The following TECPR2 variants were observed in gnomAD, a reference collection of about 807,000 sequenced individuals.
TECPR2 encodes the protein tectonin beta-propeller repeat containing 2, also known as tectonin beta-propeller repeat-containing protein 2.
Under a neutral mutation model 138.1 loss-of-function variants are expected in TECPR2, and 65 were observed. That is an observed-to-expected ratio of 0.47 (90% CI 0.39 to 0.58). The LOEUF is 0.58. Among genes scored for constraint, TECPR2 ranks in the 20% least tolerant of loss-of-function variants. The probability of loss-of-function intolerance (pLI) is 0.00; values close to 1 mark genes in which losing one functional copy is unlikely to be tolerated. For synonymous variants in TECPR2, 746 were observed against 749.8 expected (o/e 0.99, Z 0.08); for missense variants, 1,553 against 1,824.5 (o/e 0.85, Z 2.71).
intron 16 of TECPR2, among the ~76,000 whole-genome samples, chr14:102,453,202 G>A (rs914630334): frequency 8.5e-5 from 13 of 152,286 alleles, no homozygotes; most frequent in Non-Finnish European, 7.3e-5. Context: ...TAGGCCGGGC[G>A]CAGTGGCTCA....
At chr14:102,381,208 G>A (rs937578040) in intron 2 of TECPR2, among the ~76,000 whole-genome samples, 21 of 152,160 alleles carry the variant, frequency 1.4e-4, no homozygotes, top group Non-Finnish European at 2.1e-4. Context: ...TGATCCACTC[G>A]CTTCGGCCTC....
chr14:102,368,299 G>A (rs1056854721), intron 1 of TECPR2, among the ~76,000 whole-genome samples: 15 of 152,092 alleles, frequency 9.9e-5, no homozygotes, highest in Admixed American at 8.5e-4. Flanking sequence ...GTGAGCCACC[G>A]TGCCTGGCCT....
chr14:102,483,267 G>A (rs1466119806), intron 17 of TECPR2, among the ~76,000 whole-genome samples: 1 of 152,146 alleles, frequency 6.6e-6, no homozygotes, highest in East Asian at 1.9e-4. Flanking sequence ...ATGCCTTGGT[G>A]AGGGCTGTGT....
chr14:102,379,818 C>T (rs1887749610), intron 2 of TECPR2, among the ~76,000 whole-genome samples: 1 of 148,390 alleles, frequency 6.7e-6, no homozygotes, highest in Non-Finnish European at 1.5e-5. Flanking sequence ...TCTTAAAATC[C>T]ATGCACAGAG....
chr14:102,465,409 A>G, intron 17 of TECPR2, 120 bp downstream of exon 17: 1 of 1,460,080 alleles, frequency 6.8e-7, no homozygotes, highest in East Asian at 2.4e-5. Context: ...GCGGGGAGCC[A>G]TGCCCCCAGG....
intron 2 of TECPR2, among the ~76,000 whole-genome samples, chr14:102,398,315 CAG>C (rs893931667): frequency 2.0e-5 from 3 of 151,836 alleles, no homozygotes; most frequent in African/African-American, 7.3e-5. Context: ...GTCTGACAAA[CAG>C]AAAAATGTTT....
chr14:102,461,730 C>T (rs1286824280), intron 16 of TECPR2, among the ~76,000 whole-genome samples: 1 of 152,192 alleles, frequency 6.6e-6, no homozygotes, highest in African/African-American at 2.4e-5. Flanking sequence ...ATCCTGCCTG[C>T]TTTGCTCTGC....
Position 102,434,911 on chromosome 14 carries a change from G to A in TECPR2, c.2094G>A (p.Trp698Ter). Reference sequence around the variant, plus strand: ...CTGGCCACCTCAGCACAAATCTCTGGCATGCTGTCACTGATGATGACACAG... The same window carrying A: ...CTGGCCACCTCAGCACAAATCTCTGACATGCTGTCACTGATGATGACACAG... The part of the protein sequence containing the change: ...EASGHLSTNL[W>*]HAVTDDDTGQ... Residue 698 changes from tryptophan to a stop codon, truncating the protein, a stop_gained, in exon 9 of 20, where the codon TGG becomes TGA. Coordinates refer to ENST00000359520, the MANE Select transcript of TECPR2 (RefSeq NM_014844.5). LOFTEE classifies it high-confidence loss of function. 1 of 1,613,742 alleles carries A rather than the reference G, an allele frequency of 6.2e-7. No individual in the cohort carries two copies. The highest frequency in any genetic ancestry group is 8.5e-7 in the Non-Finnish European group (1 of 1,180,044).
chr14:102,409,110 C>T (rs1888745677), intron 4 of TECPR2, among the ~76,000 whole-genome samples: 1 of 152,176 alleles, frequency 6.6e-6, no homozygotes, highest in Admixed American at 6.6e-5. Context: ...AGGCTTGCAC[C>T]TCACAGAGCT....
chr14:102,444,406 C>T (rs1202477342), intron 12 of TECPR2, among the ~76,000 whole-genome samples: 1 of 151,976 alleles, frequency 6.6e-6, no homozygotes, highest in African/African-American at 2.4e-5. Flanking sequence ...CATCATGTTG[C>T]CCAGACTCAT....
At chr14:102,494,933 C>T (rs1057283815) in intron 17 of TECPR2, among the ~76,000 whole-genome samples, 1 of 151,162 alleles carries the variant, frequency 6.6e-6, no homozygotes, top group South Asian at 2.1e-4. Context: ...AGAACTTTGG[C>T]CAGGCACGGT....
chr14:102,443,969 C>G lies in TECPR2; in HGVS notation c.2933+142C>G, dbSNP rs892814098. On this transcript the variant is annotated intron_variant, in intron 12 of 19. Transcript: ENST00000359520. This position sits in a 1 kb window ranked among gnomAD's most constrained non-coding sequence, Gnocchi z 4.9. ...ATGGCTATAGGCTAAGCTTGAATCT[C>G]TGCCTAATTCTGACCGGCAAACTGG... 2 of 801,512 alleles carry G rather than the reference C, an allele frequency of 2.5e-6. No individual in the cohort carries two copies. The highest frequency in any genetic ancestry group is 3.4e-5 in the African/African-American group (2 of 58,164). 49.7% of individuals were successfully genotyped at this position (801,512 alleles called of 1,614,324 possible). A position where few individuals can be genotyped will look rare whatever the true frequency, so the allele number is the denominator to read the frequency against.
intron 17 of TECPR2, among the ~76,000 whole-genome samples, chr14:102,480,021 G>C (rs1595145724): frequency 6.6e-6 from 1 of 152,080 alleles, no homozygotes; most frequent in Admixed American, 6.6e-5. Context: ...CTTGTTTTTT[G>C]CCTGTAGATT....
At chr14:102,438,396 T>C (rs1889739401) in intron 10 of TECPR2, 191 bp downstream of exon 10, 6 of 643,926 alleles carry the variant, frequency 9.3e-6, no homozygotes, top group South Asian at 4.2e-5. Flanking sequence ...AATTGCTTCA[T>C]TGGATGTCAA....
intron 9 of TECPR2, among the ~76,000 whole-genome samples, chr14:102,435,938 G>A (rs1889658964): frequency 6.6e-6 from 1 of 152,182 alleles, no homozygotes. Context: ...CTGTCGATGT[G>A]AGGTATGAAT....
At chr14:102,479,676 G>A (rs1357082014) in intron 17 of TECPR2, among the ~76,000 whole-genome samples, 2 of 152,214 alleles carry the variant, frequency 1.3e-5, no homozygotes, top group Admixed American at 6.5e-5. Flanking sequence ...GGCAGAAGAA[G>A]CCAATCCATG....
At chr14:102,433,535 T>C (rs1830509301) in intron 8 of TECPR2, among the ~76,000 whole-genome samples, 1 of 152,120 alleles carries the variant, frequency 6.6e-6, no homozygotes, top group Admixed American at 6.6e-5. Context: ...TTTTAATTTA[T>C]TGGAGACAGA....
At position 102,419,568 on chromosome 14, in the gene TECPR2, A is replaced by G. The variant is rs961793368; in HGVS notation, c.638+4775A>G. Among the ~76,000 whole-genome samples, 1 of 152,096 alleles carries G rather than the reference A, an allele frequency of 6.6e-6. No individual in the cohort carries two copies. On this transcript the variant is annotated intron_variant, in intron 5 of 19. Coordinates refer to ENST00000359520, the MANE Select transcript of TECPR2 (RefSeq NM_014844.5). This position sits in a 1 kb window ranked among gnomAD's most constrained non-coding sequence, Gnocchi z 4.8. Reference sequence around the variant, plus strand: ...TGTAGGGTTGACCAGAAACCGGGACAGAGACTCTCTTCCAGAGAAAGGGCA... The same window carrying G: ...TGTAGGGTTGACCAGAAACCGGGACGGAGACTCTCTTCCAGAGAAAGGGCA...
intron 2 of TECPR2, among the ~76,000 whole-genome samples, chr14:102,379,013 C>G (rs921946800): frequency 1.3e-5 from 2 of 152,154 alleles, no homozygotes; most frequent in African/African-American, 4.8e-5. Context: ...ATCAAATTCC[C>G]CAAACATTTA....
Sources: allele counts gnomAD v4.1 joint callset (sites outside exome capture counted in the v4.1 genomes callset), GRCh38; gene constraint gnomAD v4.1.1; non-coding constraint Gnocchi (gnomAD v3.1); transcripts MANE v1.5; gene names NCBI Gene and HGNC (gene_info 2026-07-23, HGNC 2026-07-21).